CPED1: variants seen among roughly 807,000 people sequenced by gnomAD.
CPED1 encodes the protein cadherin like and PC-esterase domain containing 1.
Under a neutral mutation model 128.2 loss-of-function variants are expected in CPED1, and 114 were observed. That is an observed-to-expected ratio of 0.89 (90% CI 0.76 to 1.04). The LOEUF (loss-of-function observed/expected upper bound fraction) is 1.04. Ranked by LOEUF, CPED1 falls within the 50% of genes least tolerant of loss-of-function variation. The pLI is 0.00. For synonymous variants in CPED1, 462 were observed against 426.7 expected (o/e 1.08, Z -1.02); for missense variants, 1,211 against 1,207.1 (o/e 1.00, Z -0.05).
intron 2 of CPED1, among the ~76,000 whole-genome samples, chr7:121,004,885 T>C (rs748870955): frequency 3.3e-5 from 5 of 152,166 alleles, no homozygotes; most frequent in Admixed American, 1.3e-4. Context: ...ACAAATGGAC[T>C]AATTTCTGGT....
chr7:121,067,543 T>G (rs958781824), intron 5 of CPED1, among the ~76,000 whole-genome samples: 3 of 152,210 alleles, frequency 2.0e-5, no homozygotes, highest in Non-Finnish European at 4.4e-5. Flanking sequence ...TTCCAAGTCT[T>G]TGCTATTGTG....
At chr7:121,152,839 A>T (rs1796189728) in intron 16 of CPED1, among the ~76,000 whole-genome samples, 1 of 152,236 alleles carries the variant, frequency 6.6e-6, no homozygotes, top group South Asian at 2.1e-4. Flanking sequence ...TTGTAGCATG[A>T]ATCACCTGTG....
intron 5 of CPED1, among the ~76,000 whole-genome samples, chr7:121,097,101 A>G (rs1006855915): frequency 6.6e-6 from 1 of 152,098 alleles, no homozygotes; most frequent in African/African-American, 2.4e-5. Flanking sequence ...GATTTTTGTA[A>G]TCATGTATAT....
At chr7:121,082,782 G>T (rs528521338) in intron 5 of CPED1, among the ~76,000 whole-genome samples, 100 of 152,194 alleles carry the variant, frequency 6.6e-4, no homozygotes, top group African/African-American at 1.8e-3. Context: ...TGATAAACTT[G>T]AACCACTATA....
intron 22 of CPED1, among the ~76,000 whole-genome samples, chr7:121,288,982 A>T (rs1428758521): frequency 6.6e-6 from 1 of 152,230 alleles, no homozygotes; most frequent in East Asian, 1.9e-4. Context: ...CAAAACTTTC[A>T]GGAAAACATT....
chr7:121,049,313 G>C (rs909445549), intron 4 of CPED1, among the ~76,000 whole-genome samples: 4 of 152,180 alleles, frequency 2.6e-5, no homozygotes, highest in African/African-American at 9.7e-5. Flanking sequence ...AGAATCCAAT[G>C]AGAGCTGCAA....
At chr7:121,106,706 G>C (rs1794982451) in intron 7 of CPED1, among the ~76,000 whole-genome samples, 1 of 152,034 alleles carries the variant, frequency 6.6e-6, no homozygotes, top group Admixed American at 6.6e-5. Flanking sequence ...GTATATGCTG[G>C]GATGAGGATG....
intron 4 of CPED1, among the ~76,000 whole-genome samples, chr7:121,058,668 A>C (rs1437198960): frequency 1.3e-5 from 2 of 152,182 alleles, no homozygotes; most frequent in African/African-American, 4.8e-5. Context: ...TATCAATAGC[A>C]CCTTTTGATG....
chr7:121,163,225 T>G (rs1254385221), intron 16 of CPED1, among the ~76,000 whole-genome samples: 1 of 152,226 alleles, frequency 6.6e-6, no homozygotes, highest in Admixed American at 6.5e-5. Flanking sequence ...ATCTCTAATG[T>G]CATTTCATCA....
intron 5 of CPED1, among the ~76,000 whole-genome samples, chr7:121,067,310 T>G (rs575199947): frequency 2.0e-5 from 3 of 151,922 alleles, no homozygotes; most frequent in African/African-American, 7.3e-5. Flanking sequence ...TTCCCCTTCC[T>G]GTGTCCATGT....
chr7:121,216,153 G>A (rs1427625673), intron 16 of CPED1, among the ~76,000 whole-genome samples: 1 of 151,936 alleles, frequency 6.6e-6, no homozygotes, highest in Non-Finnish European at 1.5e-5. Context: ...AGATTCCTAC[G>A]TTACAGTGAT....
chr7:121,200,163 A>G (rs1797363545), intron 16 of CPED1, among the ~76,000 whole-genome samples: 2 of 152,144 alleles, frequency 1.3e-5, no homozygotes, highest in African/African-American at 2.4e-5. Context: ...TAACATTATC[A>G]TATTCATCAT....
intron 7 of CPED1, among the ~76,000 whole-genome samples, chr7:121,120,831 A>G (rs1316241511): frequency 1.3e-5 from 2 of 152,078 alleles, no homozygotes; most frequent in South Asian, 4.2e-4. Context: ...CAGAAACTAC[A>G]GTAAGGTGTT....
At chr7:121,027,433 G>T (rs1792619183) in intron 3 of CPED1, among the ~76,000 whole-genome samples, 1 of 151,880 alleles carries the variant, frequency 6.6e-6, no homozygotes, top group Non-Finnish European at 1.5e-5. Flanking sequence ...AAATGTATAT[G>T]CAATTGAAAA....
chr7:121,267,792 A>G (rs1792159695), intron 21 of CPED1, among the ~76,000 whole-genome samples: 1 of 152,004 alleles, frequency 6.6e-6, no homozygotes, highest in Admixed American at 6.6e-5. Context: ...AAGTGAAGGG[A>G]CTTCTGGAGC....
chr7:121,166,366 G>A (rs565258223), intron 16 of CPED1, among the ~76,000 whole-genome samples: 280 of 152,220 alleles, frequency 1.8e-3, no homozygotes, highest in Non-Finnish European at 2.7e-3. Context: ...AGAATAAAAT[G>A]ATAATGGATG....
intron 5 of CPED1, among the ~76,000 whole-genome samples, chr7:121,075,803 A>G (rs1302122344): frequency 6.6e-6 from 1 of 152,164 alleles, no homozygotes; most frequent in African/African-American, 2.4e-5. Flanking sequence ...TTACATTTTC[A>G]TGGCATATCT....
rs571652893 is a variant in CPED1, at chr7:121,056,654, G to A, written c.541-7584G>A. On this transcript the variant is annotated intron_variant, in intron 4 of 22. Transcript: ENST00000310396. ...AGTTTTCAAATCTCCTCTGGGATAT[G>A]TTCTTATATTATTTCTCTAATCATT... Among the ~76,000 whole-genome samples the A allele has an allele frequency of 7.2e-4, 110 of 152,234 alleles. 1 individual carries two copies. Among genetic ancestry groups the A allele is most frequent in the Non-Finnish European group, 1.4e-3 (96 of 68,002 alleles).
intron 15 of CPED1, among the ~76,000 whole-genome samples, chr7:121,141,231 A>C (rs1000584675): frequency 1.3e-5 from 2 of 152,036 alleles, no homozygotes; most frequent in Non-Finnish European, 2.9e-5. Context: ...TTGTTATATG[A>C]AATATAGAGA....
Sources: gnomAD v4.1 joint callset for allele counts (sites outside exome capture counted in the v4.1 genomes callset) on GRCh38, gnomAD v4.1.1 for gene constraint, MANE v1.5 for transcripts, NCBI Gene and HGNC (gene_info 2026-07-23, HGNC 2026-07-21) for gene names.